Variants in SEC11C observed in about 807,000 individuals in gnomAD.
The protein encoded by SEC11C is signal peptidase complex catalytic subunit SEC11C.
SEC11C carries 10 observed loss-of-function variants against 21.9 expected under a neutral mutation model. The ratio of observed to expected loss-of-function variants is 0.46; its 90% CI spans 0.28 to 0.77. The LOEUF (loss-of-function observed/expected upper bound fraction) is 0.77. Among genes scored for constraint, SEC11C ranks in the 30% least tolerant of loss-of-function variants. The pLI is 0.12. For synonymous variants in SEC11C, 83 were observed against 85.6 expected (o/e 0.97, Z 0.17); for missense variants, 145 against 244.5 (o/e 0.59, Z 2.71).
chr18:59,154,306 G>A (rs541719677), intron 3 of SEC11C, among the ~76,000 whole-genome samples: 47 of 152,276 alleles, frequency 3.1e-4, no homozygotes, highest in African/African-American at 4.8e-4. Context: ...TTTTTATCCC[G>A]ATTTCCTTTA....
At chr18:59,141,590 T>C (rs187119443) in intron 1 of SEC11C, among the ~76,000 whole-genome samples, 103 of 152,344 alleles carry the variant, frequency 6.8e-4, no homozygotes, top group African/African-American at 2.4e-3. Context: ...GTATTGCCTG[T>C]TTTGCTAGTC....
chr18:59,153,596 G>T (rs971085306), intron 3 of SEC11C, among the ~76,000 whole-genome samples: 1 of 152,062 alleles, frequency 6.6e-6, no homozygotes, highest in Non-Finnish European at 1.5e-5. Flanking sequence ...TGTCACCTAC[G>T]CTGGAGTGCC....
intron 1 of SEC11C, among the ~76,000 whole-genome samples, chr18:59,144,726 T>TAAAAA (rs5825314): frequency 1.0e-5 from 1 of 98,602 alleles, no homozygotes. Flanking sequence ...CCTTGTATCT[T>TAAAAA]AAAAAAAAAA....
intron 1 of SEC11C, among the ~76,000 whole-genome samples, 193 bp from the exon 2 acceptor site, chr18:59,149,320 T>A (rs114118692): frequency 1.1e-3 from 173 of 152,298 alleles, no homozygotes; most frequent in African/African-American, 4.0e-3. Context: ...TCTCTCTCAC[T>A]TAAGGAGAGA....
chr18:59,152,967 C>T (rs2069375991), intron 3 of SEC11C: 1 of 210,208 alleles, frequency 4.8e-6, no homozygotes, highest in Non-Finnish European at 9.4e-6. Context: ...TGTATTATGA[C>T]ATGTTAGTTA....
intron 1 of SEC11C, among the ~76,000 whole-genome samples, chr18:59,146,828 A>G (rs1048080525): frequency 2.6e-5 from 4 of 152,142 alleles, no homozygotes; most frequent in African/African-American, 9.7e-5. Context: ...GCCGTGATTC[A>G]ACTTTCACTG....
At chr18:59,152,431 G>C in intron 2 of SEC11C, 105 bp from the exon 3 acceptor site, 2 of 1,271,260 alleles carry the variant, frequency 1.6e-6, no homozygotes, top group South Asian at 3.9e-5. Flanking sequence ...TCGTTTTATA[G>C]CTCCTGAGAC....
intron 1 of SEC11C, among the ~76,000 whole-genome samples, chr18:59,146,010 G>A (rs945482005): frequency 5.9e-5 from 9 of 152,142 alleles, no homozygotes; most frequent in African/African-American, 1.7e-4. Context: ...ACCTAACAAC[G>A]CATTTTTCAG....
At chr18:59,158,557 C>A in intron 5 of SEC11C, 75 bp from the exon 6 acceptor site, 1 of 1,162,508 alleles carries the variant, frequency 8.6e-7, no homozygotes, top group Non-Finnish European at 1.3e-6. Context: ...ATTTAACGGA[C>A]TTCATCTGAA....
intron 5 of SEC11C, among the ~76,000 whole-genome samples, chr18:59,158,335 C>T (rs991584722): frequency 1.3e-5 from 2 of 151,944 alleles, no homozygotes; most frequent in African/African-American, 2.4e-5. Context: ...GGATTACAGG[C>T]GTGTATCCAT....
chr18:59,149,638 T>C lies in SEC11C; in HGVS notation c.197+16T>C, dbSNP rs1424320773. The stretch of plus-strand genomic sequence containing the variant: ...TGGTGCTGAGGTAGGTCCCCCAGGC[T>C]GGCCTCCAGCCTCCAACCTCCATCA... On this transcript the variant is annotated intron_variant, in intron 2 of 5. Coordinates refer to ENST00000587834, the MANE Select transcript of SEC11C (RefSeq NM_033280.4). The C allele has an allele frequency of 6.4e-7, 1 of 1,566,392 alleles. No homozygotes were observed. The highest frequency in any genetic ancestry group is 8.8e-7 in the Non-Finnish European group (1 of 1,138,170).
At chr18:59,141,862 G>A (rs2069214814) in intron 1 of SEC11C, among the ~76,000 whole-genome samples, 1 of 152,192 alleles carries the variant, frequency 6.6e-6, no homozygotes, top group African/African-American at 2.4e-5. Context: ...TACTGGCAGT[G>A]CTGCTGCTGT....
chr18:59,147,707 A>G (rs999829893), intron 1 of SEC11C: 4 of 151,202 alleles, frequency 2.6e-5, no homozygotes, highest in Non-Finnish European at 4.4e-5. Context: ...TTGATTGGGT[A>G]GAAAAGCAGA....
intron 1 of SEC11C, among the ~76,000 whole-genome samples, chr18:59,148,231 AG>A (rs2069301582): frequency 6.6e-6 from 1 of 152,190 alleles, no homozygotes. Flanking sequence ...CAGGTACCAA[AG>A]TAAGGAGCCT....
intron 5 of SEC11C, among the ~76,000 whole-genome samples, chr18:59,158,056 G>GTA (rs937162982): frequency 1.3e-4 from 20 of 151,576 alleles, no homozygotes; most frequent in African/African-American, 3.9e-4. Flanking sequence ...ATACATATGT[G>GTA]TATATATATA....
At chr18:59,157,041 T>C (rs1315750100) in intron 4 of SEC11C, 2 of 152,642 alleles carry the variant, frequency 1.3e-5, no homozygotes, top group African/African-American at 4.8e-5. Flanking sequence ...TACATATTGC[T>C]GTTGATTTTG....
intron 1 of SEC11C, among the ~76,000 whole-genome samples, chr18:59,141,274 G>A (rs7241012): frequency 0.51 from 77,092 of 152,048 alleles, 20,363 homozygotes; most frequent in East Asian, 0.85. Flanking sequence ...CAAAGCTGAT[G>A]ACTCCTGTTT....
intron 1 of SEC11C, among the ~76,000 whole-genome samples, chr18:59,144,165 AC>A (rs2069244720): frequency 6.6e-6 from 1 of 151,996 alleles, no homozygotes; most frequent in South Asian, 2.1e-4. Context: ...CCCACTTTCT[AC>A]TCAGTTATTT....
In SEC11C at chr18:59,149,525, G is replaced by C. The variant is rs758978358; in HGVS notation, c.100G>C (p.Val34Leu). 5 of 1,608,586 alleles carry C rather than the reference G, an allele frequency of 3.1e-6. No individual in the cohort carries two copies. The highest frequency in any genetic ancestry group is 4.3e-6 in the Non-Finnish European group (5 of 1,175,662). ...TTTTTCATTCCAGCTCTATTACCAG[G>C]TTTTAAACTTCGCCATGATCGTGTC... The part of the protein sequence containing the change: ...KMNKRQLYYQ[V>L]LNFAMIVSSA... The change falls in exon 2 of 6, where the codon GTT becomes CTT. Residue 34 changes from valine to leucine, a missense_variant. Physicochemically the swap from Val to Leu is conservative, Grantham distance 32. Transcript: ENST00000587834.
Sources: allele counts gnomAD v4.1 joint callset (sites outside exome capture counted in the v4.1 genomes callset), GRCh38; gene constraint gnomAD v4.1.1; transcripts MANE v1.5; gene names NCBI Gene and HGNC (gene_info 2026-07-23, HGNC 2026-07-21).